PTPRD: variants seen among roughly 807,000 people sequenced by gnomAD.
The protein encoded by PTPRD is protein tyrosine phosphatase receptor type D, also known as receptor-type tyrosine-protein phosphatase delta.
A neutral mutation model predicts 214.5 loss-of-function variants in PTPRD; 34 were observed. That is an observed-to-expected ratio of 0.16 (90% confidence interval 0.12 to 0.21). The LOEUF is 0.21. Ranked by LOEUF, PTPRD falls within the 10% of genes least tolerant of loss-of-function variation. The pLI is 1.00. For synonymous variants in PTPRD, 1,128 were observed against 845.7 expected (o/e 1.33, Z -5.79); for missense variants, 2,545 against 2,398.7 (o/e 1.06, Z -1.27).
chr9:8,622,100 C>CA (rs139482702), intron 14 of PTPRD, among the ~76,000 whole-genome samples: 43,841 of 151,384 alleles, frequency 0.29, 6,735 homozygotes, highest in African/African-American at 0.39. Context: ...CCACCTAGAG[C>CA]AAAAAAGAAT....
chr9:9,556,995 T>G (rs1272941832), intron 8 of PTPRD, among the ~76,000 whole-genome samples: 1 of 152,068 alleles, frequency 6.6e-6, no homozygotes, highest in East Asian at 1.9e-4. Context: ...AGGGAACTTA[T>G]CCCCCTGAGA....
chr9:10,252,159 G>T (rs552401870), intron 3 of PTPRD, among the ~76,000 whole-genome samples: 2 of 150,338 alleles, frequency 1.3e-5, no homozygotes, highest in African/African-American at 4.9e-5. Context: ...AAAAAAGAGA[G>T]AGAGAGAGAA....
At chr9:9,610,140 A>G (rs1247022528) in intron 7 of PTPRD, among the ~76,000 whole-genome samples, 1 of 152,140 alleles carries the variant, frequency 6.6e-6, no homozygotes, top group East Asian at 1.9e-4. Context: ...ACCAGTAGAA[A>G]TACGTTAGGA....
At chr9:10,397,542 C>T (rs2098194105) in intron 2 of PTPRD, among the ~76,000 whole-genome samples, 1 of 152,026 alleles carries the variant, frequency 6.6e-6, no homozygotes, top group South Asian at 2.1e-4. Context: ...TAGTCATGCA[C>T]TGACAACAAA....
At chr9:8,411,603 A>G (rs1182566015) in intron 35 of PTPRD, among the ~76,000 whole-genome samples, 2 of 152,186 alleles carry the variant, frequency 1.3e-5, no homozygotes, top group African/African-American at 2.4e-5. Context: ...TACACCCAAC[A>G]CTATACATGG....
At chr9:8,774,201 G>A (rs1223265619) in intron 11 of PTPRD, among the ~76,000 whole-genome samples, 1 of 152,164 alleles carries the variant, frequency 6.6e-6, no homozygotes, top group Non-Finnish European at 1.5e-5. Context: ...TAACTGGGAT[G>A]ATACTTGCAT....
chr9:9,295,258 T>C (rs557400221), intron 9 of PTPRD, among the ~76,000 whole-genome samples: 1 of 151,896 alleles, frequency 6.6e-6, no homozygotes, highest in African/African-American at 2.4e-5. Context: ...CATATTTTAT[T>C]ACAAGGCTGG....
intron 2 of PTPRD, among the ~76,000 whole-genome samples, chr9:10,464,279 G>A (rs774946957): frequency 1.3e-4 from 20 of 151,948 alleles, no homozygotes; most frequent in Non-Finnish European, 2.5e-4. Context: ...TAAAAAGCTG[G>A]GCATGGCACT....
At chr9:9,954,590 G>A (rs980192708) in intron 4 of PTPRD, among the ~76,000 whole-genome samples, 3 of 151,358 alleles carry the variant, frequency 2.0e-5, no homozygotes, top group Admixed American at 1.3e-4. Flanking sequence ...ATTTATGAGA[G>A]CACAATTAAT....
chr9:9,064,853 A>G (rs2099723052), intron 10 of PTPRD, among the ~76,000 whole-genome samples: 1 of 152,238 alleles, frequency 6.6e-6, no homozygotes, highest in Non-Finnish European at 1.5e-5. Context: ...GAAATAAGCA[A>G]ATAGCTTATG....
chr9:9,964,776 C>T (rs1203597192), intron 4 of PTPRD, among the ~76,000 whole-genome samples: 2 of 152,068 alleles, frequency 1.3e-5, no homozygotes, highest in Admixed American at 1.3e-4. Flanking sequence ...AAAGTGAAAA[C>T]ATTTTAACAA....
intron 9 of PTPRD, among the ~76,000 whole-genome samples, chr9:9,329,032 C>G (rs1308182809): frequency 6.6e-6 from 1 of 151,896 alleles, no homozygotes; most frequent in Non-Finnish European, 1.5e-5. Context: ...CTTTCTTTAT[C>G]TTTTTGTTCT....
intron 5 of PTPRD, among the ~76,000 whole-genome samples, chr9:9,770,747 T>C (rs997941046): frequency 1.3e-5 from 2 of 152,068 alleles, no homozygotes; most frequent in African/African-American, 4.8e-5. Context: ...AGGTTGAAAA[T>C]CTGGAGAAAA....
intron 6 of PTPRD, among the ~76,000 whole-genome samples, chr9:9,740,552 G>A (rs1046013189): frequency 6.6e-6 from 1 of 151,990 alleles, no homozygotes; most frequent in Non-Finnish European, 1.5e-5. Context: ...TAGTAGAGAC[G>A]GGGTTTCACC....
At chr9:10,505,772 T>A (rs1436328211) in intron 2 of PTPRD, among the ~76,000 whole-genome samples, 2 of 152,084 alleles carry the variant, frequency 1.3e-5, no homozygotes, top group Non-Finnish European at 2.9e-5. Context: ...ATGTCATTGC[T>A]ATTGAGGAAA....
intron 14 of PTPRD, among the ~76,000 whole-genome samples, chr9:8,623,742 C>T (rs955735790): frequency 6.6e-5 from 10 of 151,728 alleles, no homozygotes; most frequent in African/African-American, 2.2e-4. Context: ...GATGCTGAAG[C>T]TTAGAGAGGT....
At chr9:8,920,872 G>T (rs2098822743) in intron 11 of PTPRD, among the ~76,000 whole-genome samples, 1 of 152,096 alleles carries the variant, frequency 6.6e-6, no homozygotes, top group Non-Finnish European at 1.5e-5. Flanking sequence ...GCAGTGCAGT[G>T]GTGCAATCTC....
chr9:8,389,997 G>A (rs1185452041), intron 36 of PTPRD, among the ~76,000 whole-genome samples: 3 of 152,100 alleles, frequency 2.0e-5, no homozygotes, highest in Non-Finnish European at 2.9e-5. Flanking sequence ...GGTGGAATCA[G>A]GTTTAATCCT....
chr9:9,166,074 A>T (rs2099903145), intron 10 of PTPRD, among the ~76,000 whole-genome samples: 1 of 152,108 alleles, frequency 6.6e-6, no homozygotes, highest in Non-Finnish European at 1.5e-5. Flanking sequence ...TTAACTCACA[A>T]AACATAGTTT....
Sources: gnomAD v4.1 joint callset for allele counts (sites outside exome capture counted in the v4.1 genomes callset) on GRCh38, gnomAD v4.1.1 for gene constraint, MANE v1.5 for transcripts, NCBI Gene and HGNC (gene_info 2026-07-23, HGNC 2026-07-21) for gene names.